Variants in NRG3 observed in about 807,000 individuals in gnomAD.
NRG3 encodes the protein neuregulin 3.
A neutral mutation model predicts 66.9 loss-of-function variants in NRG3; 31 were observed. That is an observed-to-expected ratio of 0.46 (90% CI 0.35 to 0.63). The LOEUF is 0.63. NRG3 is among the 20% of genes least tolerant of loss of function. The pLI is 0.00. For synonymous variants in NRG3, 393 were observed against 359.4 expected (o/e 1.09, Z -1.06); for missense variants, 910 against 878.9 (o/e 1.04, Z -0.45).
At chr10:82,514,018 C>A (rs1348785002) in intron 2 of NRG3, among the ~76,000 whole-genome samples, 1 of 152,088 alleles carries the variant, frequency 6.6e-6, no homozygotes, top group Admixed American at 6.5e-5. Flanking sequence ...GTCCTTTGCC[C>A]ACTTTTTAAA....
intron 2 of NRG3, among the ~76,000 whole-genome samples, chr10:82,586,488 T>A (rs1380896955): frequency 6.6e-6 from 1 of 152,196 alleles, no homozygotes; most frequent in Non-Finnish European, 1.5e-5. Flanking sequence ...TGAGTTTAAT[T>A]GCTGGTTATG....
chr10:82,614,754 C>G (rs906458585), intron 2 of NRG3, among the ~76,000 whole-genome samples: 1 of 152,058 alleles, frequency 6.6e-6, no homozygotes, highest in Non-Finnish European at 1.5e-5. Context: ...CCCTTTTATC[C>G]CATTCTTCAC....
intron 2 of NRG3, among the ~76,000 whole-genome samples, chr10:82,516,086 C>G (rs1248322482): frequency 1.3e-5 from 2 of 152,052 alleles, no homozygotes; most frequent in African/African-American, 4.8e-5. Flanking sequence ...TGGGAAGCCT[C>G]TAAGACTCTT....
At chr10:82,329,178 C>A (rs568375060) in intron 1 of NRG3, among the ~76,000 whole-genome samples, 1 of 151,972 alleles carries the variant, frequency 6.6e-6, no homozygotes, top group African/African-American at 2.4e-5. Flanking sequence ...GGCTTCTTTT[C>A]TCTTTGGCTT....
chr10:82,597,606 T>C (rs1357762221), intron 2 of NRG3, among the ~76,000 whole-genome samples: 1 of 152,198 alleles, frequency 6.6e-6, no homozygotes, highest in African/African-American at 2.4e-5. Context: ...TTGCTTTTTA[T>C]CTCTCTTCTT....
chr10:82,094,766 T>C (rs2066231549), intron 1 of NRG3, among the ~76,000 whole-genome samples: 1 of 152,190 alleles, frequency 6.6e-6, no homozygotes, highest in African/African-American at 2.4e-5. Context: ...GAGGTCATTA[T>C]CTTAAGTGAA....
chr10:81,887,579 C>T (rs1368734412), intron 1 of NRG3, among the ~76,000 whole-genome samples: 2 of 152,034 alleles, frequency 1.3e-5, no homozygotes, highest in Non-Finnish European at 2.9e-5. Context: ...AAGCCTCTCC[C>T]AGAATCATAA....
chr10:82,368,733 G>A (rs1425515158), intron 2 of NRG3, among the ~76,000 whole-genome samples: 5 of 138,550 alleles, frequency 3.6e-5, no homozygotes, highest in Admixed American at 3.4e-4. Context: ...TATAGTTTAA[G>A]TGGATTATGG....
chr10:82,329,223 A>G (rs1589737681), intron 1 of NRG3, among the ~76,000 whole-genome samples: 1 of 152,326 alleles, frequency 6.6e-6, no homozygotes, highest in South Asian at 2.1e-4. Flanking sequence ...GAGCTGTCAA[A>G]CTTTTTAAAA....
At chr10:82,834,965 G>T (rs1250904124) in intron 3 of NRG3, among the ~76,000 whole-genome samples, 1 of 152,142 alleles carries the variant, frequency 6.6e-6, no homozygotes, top group African/African-American at 2.4e-5. Flanking sequence ...GATGTGTTAA[G>T]GAATTTTTTA....
rs576460904 is a variant in NRG3 at position 82,771,320 on chromosome 10, A to G, written c.1027+32670A>G. Among the ~76,000 whole-genome samples the G allele has an allele frequency of 3.3e-5, 5 of 152,290 alleles. No homozygotes were observed. In the South Asian group the frequency reaches 1.0e-3, roughly 32 times the overall value. ...ATTCTTTTTAACGTTAAAAAATGAAATGTTTTCAAGTGATTAAAAATTTAA... is the reference window on the plus strand; with the variant it reads ...ATTCTTTTTAACGTTAAAAAATGAAGTGTTTTCAAGTGATTAAAAATTTAA... On this transcript the variant is annotated intron_variant, in intron 3 of 8. Transcript: ENST00000372141.
At chr10:81,889,716 G>A (rs1024952602) in intron 1 of NRG3, 2 of 152,150 alleles carry the variant, frequency 1.3e-5, no homozygotes, top group Non-Finnish European at 2.9e-5. Flanking sequence ...ACATATACAA[G>A]TGTTATTTGC....
intron 4 of NRG3, among the ~76,000 whole-genome samples, chr10:82,897,633 C>G (rs1216947369): frequency 3.3e-5 from 5 of 152,160 alleles, no homozygotes; most frequent in Non-Finnish European, 5.9e-5. Context: ...ATTCTCCTGC[C>G]TCAGCCTCCC....
intron 2 of NRG3, among the ~76,000 whole-genome samples, chr10:82,587,906 A>G (rs944099386): frequency 2.0e-4 from 30 of 152,188 alleles, no homozygotes; most frequent in African/African-American, 7.2e-4. Context: ...TTATATTTCC[A>G]TTTTGAGGAA....
At chr10:82,152,918 ATTAC>A (rs1319379110) in intron 1 of NRG3, among the ~76,000 whole-genome samples, 1 of 83,624 alleles carries the variant, frequency 1.2e-5, no homozygotes, top group Non-Finnish European at 2.7e-5. Flanking sequence ...TTTTTCTTTT[ATTAC>A]TTAATTAACA....
chr10:82,618,468 A>G (rs1291489275), intron 2 of NRG3, among the ~76,000 whole-genome samples: 2 of 151,870 alleles, frequency 1.3e-5, no homozygotes, highest in East Asian at 3.9e-4. Flanking sequence ...TACCTAAATT[A>G]TCTTGTACCA....
At chr10:81,965,038 A>G (rs1353403967) in intron 1 of NRG3, among the ~76,000 whole-genome samples, 7 of 152,216 alleles carry the variant, frequency 4.6e-5, no homozygotes, top group Admixed American at 6.5e-5. Flanking sequence ...TACAAAATAT[A>G]TACCAAGCAT....
intron 3 of NRG3, among the ~76,000 whole-genome samples, chr10:82,825,102 C>T (rs2062138706): frequency 6.6e-6 from 1 of 152,264 alleles, no homozygotes; most frequent in South Asian, 2.1e-4. Context: ...CAAATATTTT[C>T]TCCCATTCTC....
chr10:82,092,616 A>G (rs2066094110), intron 1 of NRG3, among the ~76,000 whole-genome samples: 1 of 152,060 alleles, frequency 6.6e-6, no homozygotes, highest in South Asian at 2.1e-4. Context: ...GGTCTCTTGT[A>G]TTTCTGTTTC....
Sources: allele counts gnomAD v4.1 joint callset (sites outside exome capture counted in the v4.1 genomes callset), GRCh38; gene constraint gnomAD v4.1.1; transcripts MANE v1.5; gene names NCBI Gene and HGNC (gene_info 2026-07-23, HGNC 2026-07-21).